CNTN5: variants seen among roughly 807,000 people sequenced by gnomAD.
CNTN5 encodes the protein contactin 5.
A neutral mutation model predicts 129.1 loss-of-function variants in CNTN5; 77 were observed. That is an observed-to-expected ratio of 0.60 (90% confidence interval 0.50 to 0.72). The LOEUF (loss-of-function observed/expected upper bound fraction) is 0.72, where lower values mean the gene tolerates loss of function less well. Ranked by LOEUF, CNTN5 falls within the 30% of genes least tolerant of loss-of-function variation. The probability of loss-of-function intolerance (pLI) is 0.00; values close to 1 mark genes in which losing one functional copy is unlikely to be tolerated. For synonymous variants in CNTN5, 509 were observed against 465.6 expected, an observed-to-expected ratio of 1.09 and a Z score of -1.20; for missense variants, 1,478 against 1,328.8, an observed-to-expected ratio of 1.11 and a Z score of -1.75.
chr11:99,447,911 C>T (rs183841993), intron 2 of CNTN5, among the ~76,000 whole-genome samples: 1 of 151,786 alleles, frequency 6.6e-6, no homozygotes, highest in African/African-American at 2.4e-5. Context: ...GGTAACAGGG[C>T]GAGACTCCGT....
intron 6 of CNTN5, among the ~76,000 whole-genome samples, chr11:99,875,334 A>G (rs1948605073): frequency 6.8e-6 from 1 of 147,000 alleles, no homozygotes; most frequent in South Asian, 2.1e-4. Flanking sequence ...TATTTAGTTC[A>G]TAGATTTGTT....
At chr11:100,191,335 T>G in intron 14 of CNTN5, 82 bp downstream of exon 14, 6 of 1,195,194 alleles carry the variant, frequency 5.0e-6, no homozygotes, top group Non-Finnish European at 6.9e-6. Flanking sequence ...TAAATGCATA[T>G]ATGTTTGGAC....
At chr11:99,383,159 A>G (rs961098363) in intron 2 of CNTN5, among the ~76,000 whole-genome samples, 1 of 152,106 alleles carries the variant, frequency 6.6e-6, no homozygotes, top group Admixed American at 6.6e-5. Flanking sequence ...CTGGCCTCTA[A>G]ATAACTTTTA....
At chr11:100,292,352 G>T (rs1951006299) in intron 18 of CNTN5, among the ~76,000 whole-genome samples, 1 of 151,972 alleles carries the variant, frequency 6.6e-6, no homozygotes, top group Admixed American at 6.6e-5. Flanking sequence ...CAGCCTTATT[G>T]GGTGTGATCC....
chr11:99,644,399 A>G (rs1256633455), intron 3 of CNTN5, among the ~76,000 whole-genome samples: 1 of 152,162 alleles, frequency 6.6e-6, no homozygotes, highest in Non-Finnish European at 1.5e-5. Flanking sequence ...GAGGAAGCAA[A>G]CAGTAGAACC....
intron 13 of CNTN5, among the ~76,000 whole-genome samples, chr11:100,162,995 A>G (rs1947507259): frequency 6.6e-6 from 1 of 151,830 alleles, no homozygotes; most frequent in Admixed American, 6.6e-5. Flanking sequence ...ATATGACTCT[A>G]GTTCATTATT....
chr11:99,957,635 T>TCAAGC (rs1950837634), intron 8 of CNTN5, among the ~76,000 whole-genome samples: 1 of 151,948 alleles, frequency 6.6e-6, no homozygotes, highest in South Asian at 2.1e-4. Context: ...ATATTACCAT[T>TCAAGC]GATATATGAT....
chr11:99,572,957 C>G (rs901381411), intron 3 of CNTN5, among the ~76,000 whole-genome samples: 4 of 151,374 alleles, frequency 2.6e-5, no homozygotes, highest in African/African-American at 9.7e-5. Context: ...AACAGTGGAG[C>G]CAGCAATAGA....
rs148878753 is a variant in CNTN5, at chr11:99,486,548, G to A, written c.-70-69597G>A. ...ATTTATTTAATGTAAATTAGTGTGA[G>A]TAAATGATGGTTTAATATGAATTAA... On this transcript the variant is annotated intron_variant, in intron 2 of 24. Coordinates refer to ENST00000524871, the MANE Select transcript of CNTN5 (RefSeq NM_014361.4). 9.6e-3 allele frequency among the ~76,000 whole-genome samples: 1,454 copies of A among 152,168 alleles called. 21 individuals are homozygous for A. Among genetic ancestry groups the A allele is most frequent in the African/African-American group, 0.033 (1,355 of 41,524 alleles).
intron 3 of CNTN5, among the ~76,000 whole-genome samples, chr11:99,599,984 C>T (rs937751858): frequency 4.6e-5 from 7 of 152,076 alleles, no homozygotes; most frequent in East Asian, 3.9e-4. Context: ...TTCCTGATGA[C>T]GGCAGGACTG....
intron 1 of CNTN5, among the ~76,000 whole-genome samples, chr11:99,094,510 A>G (rs17132986): frequency 0.063 from 9,550 of 152,092 alleles, 826 homozygotes; most frequent in East Asian, 0.35. Flanking sequence ...CTCAGTGATT[A>G]AAGTGCTGCT....
rs74321764 is a variant in CNTN5 at position 99,817,964 on chromosome 11, T to C, written c.56-1580T>C. Among the ~76,000 whole-genome samples the C allele has an allele frequency of 1.3e-4, 20 of 152,256 alleles. 1 individual carries two copies. The East Asian group carries it at 3.3e-3, about 25-fold the overall frequency. ...TCTTGGGCTACACATATCATGCTCA[T>C]TTTAAGTGTGGAAAACATCTAAAAA... On this transcript the variant is annotated intron_variant, in intron 3 of 24. Coordinates refer to ENST00000524871, the MANE Select transcript of CNTN5 (RefSeq NM_014361.4).
At chr11:100,219,249 T>G (rs1221432072) in intron 15 of CNTN5, among the ~76,000 whole-genome samples, 1 of 152,204 alleles carries the variant, frequency 6.6e-6, no homozygotes, top group Non-Finnish European at 1.5e-5. Flanking sequence ...ATTCTATGCC[T>G]GTATCCACAA....
chr11:99,223,755 C>A (rs1023662090), intron 1 of CNTN5, among the ~76,000 whole-genome samples: 2 of 152,164 alleles, frequency 1.3e-5, no homozygotes, highest in African/African-American at 4.8e-5. Context: ...TGAAAATCTA[C>A]CCTCTAAAGC....
At chr11:100,322,444 G>C (rs576880765) in intron 21 of CNTN5, among the ~76,000 whole-genome samples, 1 of 152,070 alleles carries the variant, frequency 6.6e-6, no homozygotes, top group African/African-American at 2.4e-5. Context: ...GGATGGTCTC[G>C]ATCTCCTGAC....
intron 4 of CNTN5, among the ~76,000 whole-genome samples, chr11:99,823,327 GC>G (rs1256335684): frequency 2.0e-5 from 3 of 151,934 alleles, no homozygotes; most frequent in Non-Finnish European, 4.4e-5. Context: ...ATTTTAAGTT[GC>G]TGTGTCATCT....
chr11:100,188,408 G>A (rs1442534745), intron 13 of CNTN5, among the ~76,000 whole-genome samples: 1 of 152,144 alleles, frequency 6.6e-6, no homozygotes, highest in African/African-American at 2.4e-5. Flanking sequence ...CTGTACTCCA[G>A]TCTGGGTGAC....
At chr11:99,969,561 C>A (rs1459324640) in intron 8 of CNTN5, among the ~76,000 whole-genome samples, 1 of 152,166 alleles carries the variant, frequency 6.6e-6, no homozygotes, top group Non-Finnish European at 1.5e-5. Flanking sequence ...CCTCACCATA[C>A]AACTCACAGA....
At chr11:99,625,917 TATATATACACAC>T (rs147635486) in intron 3 of CNTN5, among the ~76,000 whole-genome samples, 58,194 of 126,656 alleles carry the variant, frequency 0.46, 12,282 homozygotes, top group Non-Finnish European at 0.54. Flanking sequence ...TATATATATA[TATATATACACAC>T]ACACACACAC....
Sources: allele counts gnomAD v4.1 joint callset (sites outside exome capture counted in the v4.1 genomes callset), GRCh38; gene constraint gnomAD v4.1.1; transcripts MANE v1.5; gene names NCBI Gene and HGNC (gene_info 2026-07-23, HGNC 2026-07-21).